SFXN5: variants seen among roughly 807,000 people sequenced by gnomAD.
The protein encoded by SFXN5 is sideroflexin-5.
SFXN5 carries 43 observed loss-of-function variants against 50.2 expected under a neutral mutation model. The observed-to-expected ratio is 0.86, with a 90% CI of 0.67 to 1.11. The LOEUF (loss-of-function observed/expected upper bound fraction) is 1.11, where lower values mean the gene tolerates loss of function less well. SFXN5 is among the 50% of genes least tolerant of loss of function. The pLI, the probability that SFXN5 is intolerant of heterozygous loss-of-function variation, is 0.00. For synonymous variants in SFXN5, 203 were observed against 185.8 expected (o/e 1.09, Z -0.75); for missense variants, 463 against 454.1 (o/e 1.02, Z -0.18).
In SFXN5 at chr2:72,961,116, C is replaced by A. The variant is rs1673677986; in HGVS notation, c.945+15G>T. ...CCCCCTGCCCTGCCCTGCCCTTGAG[C>A]CCCTCCCCACTGACCTCTGACATTT... On this transcript the variant is annotated intron_variant, in intron 13 of 13. Transcript: ENST00000272433. This position sits in a 1 kb window ranked among gnomAD's most constrained non-coding sequence, Gnocchi z 4.4. 1.9e-6 allele frequency: 3 copies of A among 1,546,278 alleles called. No individual in the cohort carries two copies. Among genetic ancestry groups the A allele is most frequent in the Non-Finnish European group, 2.6e-6 (3 of 1,143,292 alleles).
intron 3 of SFXN5, among the ~76,000 whole-genome samples, chr2:73,024,084 C>T (rs980482611): frequency 2.1e-5 from 3 of 146,126 alleles, no homozygotes; most frequent in African/African-American, 5.0e-5. Flanking sequence ...TAAAGTAGGC[C>T]TTTTTTTTTT....
chr2:72,978,740 C>G (rs1670940830), intron 10 of SFXN5, among the ~76,000 whole-genome samples: 1 of 152,184 alleles, frequency 6.6e-6, no homozygotes, highest in African/African-American at 2.4e-5. Flanking sequence ...TGTGTCCATT[C>G]CATGTCTGGG....
At chr2:72,965,493 A>G (rs1573974585) in intron 12 of SFXN5, among the ~76,000 whole-genome samples, 1 of 152,202 alleles carries the variant, frequency 6.6e-6, no homozygotes, top group Non-Finnish European at 1.5e-5. Flanking sequence ...GCTGACTAAT[A>G]CAAGCCACCT....
chr2:73,043,518 C>T (rs1361929075), intron 2 of SFXN5, among the ~76,000 whole-genome samples: 6 of 152,156 alleles, frequency 3.9e-5, no homozygotes, highest in African/African-American at 7.2e-5. Flanking sequence ...AGGCCTGGCC[C>T]GAGACAGAAC....
chr2:72,978,395 G>C (rs922096502), intron 10 of SFXN5, among the ~76,000 whole-genome samples: 1 of 150,272 alleles, frequency 6.7e-6, no homozygotes, highest in Non-Finnish European at 1.5e-5. Flanking sequence ...CGATTCTCCT[G>C]CCTCAGCCTC....
intron 6 of SFXN5, 31 bp from the exon 7 acceptor site, chr2:73,001,609 AG>A (rs769850156): frequency 6.5e-5 from 104 of 1,610,684 alleles, no homozygotes; most frequent in Non-Finnish European, 8.4e-5. Context: ...ATGCTGAAAA[AG>A]GCAGAAGAAA....
intron 1 of SFXN5, among the ~76,000 whole-genome samples, chr2:73,064,620 T>A (rs1683047190): frequency 6.6e-6 from 1 of 151,994 alleles, no homozygotes; most frequent in South Asian, 2.1e-4. Flanking sequence ...CCCACACAAA[T>A]CTCCCAACCT....
rs59833760 is a variant in SFXN5, at chr2:72,942,934, G to A, written c.*2088C>T. Reference sequence around the variant, plus strand: ...ACCTTATGATAGGTAGGAGCAGGGTGAGCTTGAAGTGAGCTTTTCAAAAGA... The same window carrying A: ...ACCTTATGATAGGTAGGAGCAGGGTAAGCTTGAAGTGAGCTTTTCAAAAGA... On this transcript the variant is annotated 3_prime_UTR_variant, in exon 14 of 14. Transcript: ENST00000272433. 0.13 allele frequency: 19,149 copies of A among 152,294 alleles called. 1,661 individuals carry two copies. Among genetic ancestry groups the A allele is most frequent in the African/African-American group, 0.24 (9,875 of 41,496 alleles). 9.4% of individuals were successfully genotyped at this position (152,294 alleles called of 1,614,324 possible).
chr2:73,019,034 A>G (rs1676505419), intron 6 of SFXN5, among the ~76,000 whole-genome samples: 1 of 152,358 alleles, frequency 6.6e-6, no homozygotes, highest in East Asian at 1.9e-4. Context: ...AAAAACCCAA[A>G]TGTTCACCAA....
At chr2:73,047,681 C>T (rs1363732681) in intron 2 of SFXN5, among the ~76,000 whole-genome samples, 2 of 152,096 alleles carry the variant, frequency 1.3e-5, no homozygotes, top group African/African-American at 4.8e-5. Flanking sequence ...CCTCATTCAC[C>T]TTCTACCATG....
chr2:73,011,077 C>T (rs114973436), intron 6 of SFXN5, among the ~76,000 whole-genome samples: 60 of 152,316 alleles, frequency 3.9e-4, no homozygotes, highest in African/African-American at 6.0e-4. Context: ...GCTGATTCCA[C>T]GACATAGCTT....
intron 10 of SFXN5, among the ~76,000 whole-genome samples, chr2:72,979,536 A>C (rs1671042005): frequency 6.6e-6 from 1 of 152,216 alleles, no homozygotes; most frequent in African/African-American, 2.4e-5. Flanking sequence ...TGGGAGGCCA[A>C]GACAGAAGAA....
At chr2:72,981,775 A>G (rs1249857795) in intron 10 of SFXN5, among the ~76,000 whole-genome samples, 1 of 152,118 alleles carries the variant, frequency 6.6e-6, no homozygotes, top group Middle Eastern at 3.2e-3. Flanking sequence ...AATCCACAGC[A>G]CCACGCCCAC....
At chr2:73,047,235 AAAAAAAAAAAATAT>A (rs1263610562) in intron 2 of SFXN5, among the ~76,000 whole-genome samples, 391 of 28,054 alleles carry the variant, frequency 0.014, 4 homozygotes, top group Middle Eastern at 0.036. Context: ...AAAAAAAAAA[AAAAAAAAAAAATAT>A]ATATATATAT....
In SFXN5 at chr2:73,045,436, G is replaced by A. The variant is rs139801199; in HGVS notation, c.172-4505C>T. 1.2e-3 allele frequency among the ~76,000 whole-genome samples: 178 copies of A among 152,020 alleles called. 1 individual carries two copies. Among genetic ancestry groups the A allele is most frequent in the African/African-American group, 3.9e-3 (162 of 41,440 alleles). ...GAGTCCAGCGTAACACAGAAAAAACGAACACACTTAGAGGAAGTAGGTACA... is the reference window on the plus strand; with the variant it reads ...GAGTCCAGCGTAACACAGAAAAAACAAACACACTTAGAGGAAGTAGGTACA... On this transcript the variant is annotated intron_variant, in intron 2 of 13. Transcript: ENST00000272433.
chr2:73,000,083 A>G (rs1673718065), intron 8 of SFXN5, among the ~76,000 whole-genome samples: 1 of 152,210 alleles, frequency 6.6e-6, no homozygotes, highest in East Asian at 1.9e-4. Flanking sequence ...GCCCCCAAGT[A>G]GCTGATACCA....
At chr2:73,023,324 C>G (rs771237024) in intron 3 of SFXN5, 110 bp from the exon 4 acceptor site, 2 of 1,136,180 alleles carry the variant, frequency 1.8e-6, no homozygotes, top group South Asian at 1.5e-5. Context: ...TCCGAAAGCC[C>G]GAAAGAAGCT....
At chr2:72,983,408 A>G (rs1475271942) in intron 10 of SFXN5, among the ~76,000 whole-genome samples, 4 of 152,180 alleles carry the variant, frequency 2.6e-5, no homozygotes, top group Admixed American at 2.0e-4. Flanking sequence ...GTCATTTCTC[A>G]GCAAGGAGCT....
chr2:73,055,356 G>T (rs1014411716), intron 2 of SFXN5, among the ~76,000 whole-genome samples: 1 of 152,214 alleles, frequency 6.6e-6, no homozygotes, highest in Non-Finnish European at 1.5e-5. Context: ...AGAACCATAT[G>T]CATGAGGCTT....
Sources: gnomAD v4.1 joint callset for allele counts (sites outside exome capture counted in the v4.1 genomes callset) on GRCh38, gnomAD v4.1.1 for gene constraint, Gnocchi (gnomAD v3.1) non-coding constraint, MANE v1.5 for transcripts, NCBI Gene and HGNC (gene_info 2026-07-23, HGNC 2026-07-21) for gene names.